The following SRPX variants were observed in gnomAD, a reference collection of about 807,000 sequenced individuals.
The protein encoded by SRPX is sushi repeat containing protein X-linked.
In SRPX, 24 loss-of-function variants were observed where a neutral mutation model predicts 38.1. The ratio of observed to expected loss-of-function variants is 0.63; its 90% CI spans 0.46 to 0.89. The LOEUF is 0.89. SRPX is among the 40% of genes least tolerant of loss of function. The pLI, the probability that SRPX is intolerant of heterozygous loss-of-function variation, is 0.00. For synonymous variants in SRPX, 184 were observed against 153.8 expected, an observed-to-expected ratio of 1.20 and a Z score of -1.45; for missense variants, 416 against 377.8, an observed-to-expected ratio of 1.10 and a Z score of -0.84.
chrX:38,181,444 T>G (rs1414803291), intron 1 of SRPX, among the ~76,000 whole-genome samples: 1 of 112,278 alleles, frequency 8.9e-6, no homozygotes, highest in Non-Finnish European at 1.9e-5. Context: ...GGAACTCTTT[T>G]CTACAGTTGT....
intron 1 of SRPX, among the ~76,000 whole-genome samples, chrX:38,212,672 A>T (rs1229321626): frequency 1.8e-5 from 2 of 111,500 alleles, no homozygotes; most frequent in Non-Finnish European, 3.8e-5. Context: ...CAAGCTCTAA[A>T]AGAATATGGG....
chrX:38,189,687 TTA>T (rs1286541924), intron 1 of SRPX, among the ~76,000 whole-genome samples: 1 of 111,906 alleles, frequency 8.9e-6, no homozygotes, highest in Admixed American at 9.5e-5. Context: ...CTCCCCCAGT[TTA>T]TCTTTCCTAA....
At chrX:38,215,143 G>A (rs1272704492) in intron 1 of SRPX, among the ~76,000 whole-genome samples, 1 of 112,056 alleles carries the variant, frequency 8.9e-6, no homozygotes. Flanking sequence ...CTATTACTCA[G>A]AAGAAAGTTT....
intron 3 of SRPX, among the ~76,000 whole-genome samples, chrX:38,173,393 ACTT>A (rs1938510969): frequency 9.0e-6 from 1 of 111,237 alleles, no homozygotes; most frequent in South Asian, 3.8e-4. Flanking sequence ...AATAAGCATC[ACTT>A]CTTCTGTGAC....
chrX:38,212,752 C>T (rs1272166940), intron 1 of SRPX, among the ~76,000 whole-genome samples: 1 of 111,038 alleles, frequency 9.0e-6, no homozygotes, highest in East Asian at 2.8e-4. Context: ...TCAGGGAGTT[C>T]CCTGCACTAC....
intron 9 of SRPX, among the ~76,000 whole-genome samples, chrX:38,152,466 A>G (rs2147759261): frequency 8.9e-6 from 1 of 112,336 alleles, no homozygotes; most frequent in South Asian, 3.7e-4. Flanking sequence ...CTCACGAGAA[A>G]TGCAAATTCT....
At chrX:38,159,913 C>A in intron 7 of SRPX, 104 bp downstream of exon 7, 1 of 912,718 alleles carries the variant, frequency 1.1e-6, no homozygotes, top group South Asian at 2.5e-5. Flanking sequence ...AGAGGGATGG[C>A]CATGAACTTC....
chrX:38,200,941 T>A (rs1402153519), intron 1 of SRPX, among the ~76,000 whole-genome samples: 1 of 112,042 alleles, frequency 8.9e-6, no homozygotes, highest in African/African-American at 3.2e-5. Flanking sequence ...TTAAAAAGGC[T>A]TTCAAAAATG....
intron 1 of SRPX, among the ~76,000 whole-genome samples, chrX:38,208,479 T>C (rs780098114): frequency 8.9e-6 from 1 of 112,332 alleles, no homozygotes; most frequent in African/African-American, 3.2e-5. Context: ...TTCATCCCTG[T>C]TGTTACATGT....
intron 1 of SRPX, among the ~76,000 whole-genome samples, chrX:38,216,957 T>G (rs1174813095): frequency 8.9e-6 from 1 of 112,319 alleles, no homozygotes; most frequent in African/African-American, 3.2e-5. Context: ...GTTCGTATAT[T>G]TAAAAGGAAC....
intron 6 of SRPX, 46 bp from the exon 7 acceptor site, chrX:38,160,242 C>T (rs1288695056): frequency 8.6e-7 from 1 of 1,157,218 alleles, no homozygotes; most frequent in Non-Finnish European, 1.2e-6. Flanking sequence ...GAGCTCCCAT[C>T]CACAGAGTAA....
intron 1 of SRPX, among the ~76,000 whole-genome samples, chrX:38,211,845 G>C (rs1334554772): frequency 2.7e-5 from 3 of 111,720 alleles, no homozygotes; most frequent in Admixed American, 9.5e-5. Flanking sequence ...CATGGAGCTT[G>C]AGGGGCTTAA....
intron 1 of SRPX, among the ~76,000 whole-genome samples, chrX:38,220,120 GC>G (rs1441816027): frequency 1.8e-5 from 2 of 113,391 alleles, no homozygotes; most frequent in Non-Finnish European, 3.7e-5. Context: ...ACCACTCTCA[GC>G]TGGCAATTCT....
chrX:38,156,860 T>A (rs747836152), intron 8 of SRPX, 36 bp downstream of exon 8: 87 of 1,192,645 alleles, frequency 7.3e-5, no homozygotes, highest in Middle Eastern at 2.9e-4. Context: ...CTGTTAAAGG[T>A]CTCCCTCTCA....
chrX:38,153,302 C>CTTTTTTTTTT (rs58888978), intron 9 of SRPX, among the ~76,000 whole-genome samples: 50 of 54,697 alleles, frequency 9.1e-4, no homozygotes, highest in Non-Finnish European at 1.1e-3. Context: ...TTCTTTCTTT[C>CTTTTTTTTTT]TTTTTTTTTT....
In SRPX at chrX:38,171,989, T is replaced by C. The variant is rs766264576; in HGVS notation, c.418A>G (p.Asn140Asp). The part of the protein sequence containing the change: ...GFKCVDGAYF[N>D]SRCEYYCSPG... Reference sequence around the variant, plus strand: ...GAACAATAATACTCACACCGGGAGTTAAAGTAGGCACCATCTACACACTTA... The same window carrying C: ...GAACAATAATACTCACACCGGGAGTCAAAGTAGGCACCATCTACACACTTA... The change falls in exon 4 of 10, where the codon AAC (asparagine) becomes GAC (aspartate). Residue 140 changes from asparagine to aspartate, a missense_variant. Physicochemically the swap from Asn to Asp is conservative, Grantham distance 23. Transcript: ENST00000378533. 1.2e-5 allele frequency: 15 copies of C among 1,209,989 alleles called. No homozygotes were observed. Among genetic ancestry groups the C allele is most frequent in the African/African-American group, 1.7e-5 (1 of 57,382 alleles).
intron 1 of SRPX, among the ~76,000 whole-genome samples, chrX:38,209,087 T>G (rs1939270208): frequency 9.2e-6 from 1 of 109,274 alleles, no homozygotes; most frequent in African/African-American, 3.3e-5. Context: ...CAGAGGATAC[T>G]TTCAGCTCAT....
At chrX:38,154,732 G>A in intron 8 of SRPX, 149 bp from the exon 9 acceptor site, 2 of 740,379 alleles carry the variant, frequency 2.7e-6, no homozygotes, top group East Asian at 7.1e-5. Context: ...TGAGAAATTG[G>A]GGTTAAGATA....
chrX:38,164,524 A>T (rs974185516), intron 5 of SRPX, among the ~76,000 whole-genome samples: 2 of 112,453 alleles, frequency 1.8e-5, no homozygotes, highest in Non-Finnish European at 3.8e-5. Context: ...TTCAGTAAGG[A>T]TTTACTGAGT....
Sources: allele counts gnomAD v4.1 joint callset (sites outside exome capture counted in the v4.1 genomes callset), GRCh38; gene constraint gnomAD v4.1.1; transcripts MANE v1.5; gene names NCBI Gene and HGNC (gene_info 2026-07-23, HGNC 2026-07-21).